ARIH2: variants seen among roughly 807,000 people sequenced by gnomAD.
ARIH2 encodes the protein E3 ubiquitin-protein ligase ARIH2.
In ARIH2, 12 loss-of-function variants were observed where a neutral mutation model predicts 79.8. That is an observed-to-expected ratio of 0.15 (90% CI 0.10 to 0.24). The LOEUF (loss-of-function observed/expected upper bound fraction) is 0.24. Ranked by LOEUF, ARIH2 falls within the 10% of genes least tolerant of loss-of-function variation. The probability of loss-of-function intolerance (pLI) is 1.00; values close to 1 mark genes in which losing one functional copy is unlikely to be tolerated. For synonymous variants in ARIH2, 224 were observed against 213.9 expected (o/e 1.05, Z -0.41); for missense variants, 301 against 618.3 (o/e 0.49, Z 5.44).
intron 3 of ARIH2, among the ~76,000 whole-genome samples, chr3:48,941,400 C>T (rs193011628): frequency 6.6e-6 from 1 of 152,124 alleles, no homozygotes. Context: ...AGTTACATGT[C>T]ATAGAGAGTT....
At chr3:48,920,108 T>C (rs545519278) in intron 1 of ARIH2, among the ~76,000 whole-genome samples, 1 of 151,704 alleles carries the variant, frequency 6.6e-6, no homozygotes, top group African/African-American at 2.4e-5. Context: ...GCCTCCTAAG[T>C]AGCTGGGACC....
intron 3 of ARIH2, among the ~76,000 whole-genome samples, chr3:48,956,852 G>A (rs906953655): frequency 1.3e-5 from 2 of 151,604 alleles, no homozygotes; most frequent in Non-Finnish European, 2.9e-5. Flanking sequence ...GATTACAGGC[G>A]CCCGCCACTA....
chr3:48,924,351 A>AATT (rs893049798), intron 2 of ARIH2, among the ~76,000 whole-genome samples: 182 of 150,420 alleles, frequency 1.2e-3, no homozygotes, highest in Non-Finnish European at 1.8e-3. Flanking sequence ...TATTTACCTG[A>AATT]ATTATTATTA....
At chr3:48,941,555 T>G (rs926021042) in intron 3 of ARIH2, among the ~76,000 whole-genome samples, 8 of 152,104 alleles carry the variant, frequency 5.3e-5, no homozygotes, top group Non-Finnish European at 1.2e-4. Context: ...TCAAAGAGCC[T>G]TTTATGTTTT....
intron 3 of ARIH2, among the ~76,000 whole-genome samples, chr3:48,958,688 A>AAT (rs2090893788): frequency 6.6e-6 from 1 of 151,774 alleles, no homozygotes; most frequent in African/African-American, 2.4e-5. Flanking sequence ...CAGCCAGGGC[A>AAT]ACAGAAGGAG....
At chr3:48,957,914 C>T (rs2090789049) in intron 3 of ARIH2, among the ~76,000 whole-genome samples, 1 of 152,114 alleles carries the variant, frequency 6.6e-6, no homozygotes, top group Non-Finnish European at 1.5e-5. Flanking sequence ...CGGGATGTCA[C>T]CATATTAGCC....
intron 1 of ARIH2, 160 bp downstream of exon 1, chr3:48,919,158 G>A (rs775354388): frequency 3.1e-6 from 4 of 1,300,910 alleles, no homozygotes; most frequent in African/African-American, 1.5e-5. Flanking sequence ...ATTACCCGCC[G>A]TCAGCGGCCG....
intron 3 of ARIH2, among the ~76,000 whole-genome samples, chr3:48,931,235 G>A (rs958137129): frequency 6.6e-6 from 1 of 152,034 alleles, no homozygotes; most frequent in African/African-American, 2.4e-5. Flanking sequence ...CTACAGGTGC[G>A]TGCAACTAAT....
Position 48,982,989 on chromosome 3 carries a change from T to C in ARIH2, c.1410+10T>C, listed in dbSNP as rs759187403. 6.2e-7 allele frequency: 1 copy of C among 1,611,576 alleles called. No individual in the cohort carries two copies. The highest frequency in any genetic ancestry group is 8.5e-7 in the Non-Finnish European group (1 of 1,177,638). Reference sequence around the variant, plus strand: ...CAGCTATGACAGAGGGGTAAGTGCCTACTGTCCTCTTGGATTCTATATTGC... The same window carrying C: ...CAGCTATGACAGAGGGGTAAGTGCCCACTGTCCTCTTGGATTCTATATTGC... On this transcript the variant is annotated intron_variant, in intron 15 of 15. Coordinates refer to ENST00000356401, the MANE Select transcript of ARIH2 (RefSeq NM_006321.4).
intron 3 of ARIH2, among the ~76,000 whole-genome samples, chr3:48,954,076 G>T (rs775369012): frequency 6.6e-6 from 1 of 152,008 alleles, no homozygotes; most frequent in Admixed American, 6.5e-5. Flanking sequence ...CAGGAGAATC[G>T]CTTGAACCTG....
At chr3:48,948,430 G>A (rs542776834) in intron 3 of ARIH2, among the ~76,000 whole-genome samples, 1 of 152,084 alleles carries the variant, frequency 6.6e-6, no homozygotes, top group East Asian at 1.9e-4. Context: ...CACCACGCCC[G>A]GCTAATTTTG....
At position 48,945,618 on chromosome 3, in the gene ARIH2, A is replaced by AT. The variant is rs2089011848; in HGVS notation, c.256-15990dup. Among the ~76,000 whole-genome samples the AT allele has an allele frequency of 2.0e-5, 3 of 152,240 alleles. No individual in the cohort carries two copies. The South Asian group carries it at 6.2e-4, about 32-fold the overall frequency. On this transcript the variant is annotated intron_variant, in intron 3 of 15. Transcript: ENST00000356401. The stretch of plus-strand genomic sequence containing the variant: ...TAGCAGGAATTGATCTCTCTCTGGT[A>AT]TTTTAAGTTCTTTGTGGTCAGGGGA...
At chr3:48,929,226 T>C (rs992885227) in intron 3 of ARIH2, among the ~76,000 whole-genome samples, 1 of 152,204 alleles carries the variant, frequency 6.6e-6, no homozygotes, top group Non-Finnish European at 1.5e-5. Flanking sequence ...AGGATGTTCC[T>C]GTCTATACAC....
intron 3 of ARIH2, among the ~76,000 whole-genome samples, chr3:48,930,813 A>G (rs930450834): frequency 6.6e-6 from 1 of 152,206 alleles, no homozygotes; most frequent in African/African-American, 2.4e-5. Flanking sequence ...TCTGTGGCAT[A>G]TTGAAACATT....
At chr3:48,927,306 C>T (rs2085758500) in intron 2 of ARIH2, 156 bp from the exon 3 acceptor site, 9 of 450,134 alleles carry the variant, frequency 2.0e-5, no homozygotes, top group Non-Finnish European at 3.6e-5. Context: ...AAGCCTGGGC[C>T]AGGGGGATGA....
intron 3 of ARIH2, among the ~76,000 whole-genome samples, chr3:48,929,012 C>T (rs1052944245): frequency 6.6e-6 from 1 of 152,114 alleles, no homozygotes; most frequent in Admixed American, 6.6e-5. Flanking sequence ...AAACAATAAT[C>T]GGGTTTCTCT....
chr3:48,967,353 A>T, intron 6 of ARIH2, 78 bp downstream of exon 6: 4 of 1,481,326 alleles, frequency 2.7e-6, no homozygotes, highest in Non-Finnish European at 3.7e-6. Context: ...TACTCAAGTA[A>T]ACTGAGTATT....
chr3:48,942,241 G>A (rs2088406060), intron 3 of ARIH2, among the ~76,000 whole-genome samples: 1 of 152,006 alleles, frequency 6.6e-6, no homozygotes, highest in Admixed American at 6.6e-5. Context: ...AATAGAAACA[G>A]GGTTTCACCA....
chr3:48,925,805 G>C (rs971636783), intron 2 of ARIH2, among the ~76,000 whole-genome samples: 1 of 149,420 alleles, frequency 6.7e-6, no homozygotes, highest in Non-Finnish European at 1.5e-5. Context: ...TGCAACCTCC[G>C]ACTCCCTCGT....
Sources: allele counts gnomAD v4.1 joint callset (sites outside exome capture counted in the v4.1 genomes callset), GRCh38; gene constraint gnomAD v4.1.1; transcripts MANE v1.5; gene names NCBI Gene and HGNC (gene_info 2026-07-23, HGNC 2026-07-21).